The following TGM3 variants were observed in gnomAD, a reference collection of about 807,000 sequenced individuals.
TGM3 encodes transglutaminase 3, also known as protein-glutamine gamma-glutamyltransferase E.
A neutral mutation model predicts 73.8 loss-of-function variants in TGM3; 52 were observed. That is an observed-to-expected ratio of 0.70 (90% CI 0.56 to 0.89). The LOEUF (loss-of-function observed/expected upper bound fraction) is 0.89. Ranked by LOEUF, TGM3 falls within the 40% of genes least tolerant of loss-of-function variation. The probability of loss-of-function intolerance (pLI) is 0.00; values close to 1 mark genes in which losing one functional copy is unlikely to be tolerated. For synonymous variants in TGM3, 372 were observed against 354.9 expected (o/e 1.05, Z -0.54); for missense variants, 928 against 909.9 (o/e 1.02, Z -0.26).
Position 2,339,980 on chromosome 20 carries a change from A to T in TGM3, c.1927A>T (p.Lys643Ter). Reference protein sequence around the residue: ...EGSGLLLGNLKIDVPTLGPKE... With the variant: ...EGSGLLLGNL Reference sequence around the variant, plus strand: ...AAGCGGCCTGCTGTTGGGTAACCTGAAGATCGAGTGAGTCCTGGGCCTAAG... The same window carrying T: ...AAGCGGCCTGCTGTTGGGTAACCTGTAGATCGAGTGAGTCCTGGGCCTAAG... Residue 643 changes from lysine to a stop codon, truncating the protein, a stop_gained, in exon 12 of 13, where the codon AAG becomes TAG. Coordinates refer to ENST00000381458, the MANE Select transcript of TGM3 (RefSeq NM_003245.4). LOFTEE classifies it high-confidence loss of function. 1 of 1,410,352 alleles carries T rather than the reference A, an allele frequency of 7.1e-7. No individual in the cohort carries two copies. The highest frequency in any genetic ancestry group is 9.5e-7 in the Non-Finnish European group (1 of 1,053,350). 87.4% of individuals were successfully genotyped at this position (1,410,352 alleles called of 1,614,324 possible). A position where few individuals can be genotyped will look rare whatever the true frequency, so the allele number is the denominator to read the frequency against.
At chr20:2,340,083 C>T (rs2122263209) in intron 12 of TGM3, 96 bp downstream of exon 12, 24 of 1,445,718 alleles carry the variant, frequency 1.7e-5, no homozygotes, top group Non-Finnish European at 1.7e-5. Context: ...CTCCCTCTGA[C>T]CTTGGGTTCT....
intron 1 of TGM3, among the ~76,000 whole-genome samples, chr20:2,309,427 G>C (rs908189827): frequency 6.6e-6 from 1 of 152,240 alleles, no homozygotes; most frequent in Non-Finnish European, 1.5e-5. Context: ...CTATGATCTT[G>C]CATCCTGTGA....
chr20:2,300,321 A>G (rs1213529574), intron 1 of TGM3, among the ~76,000 whole-genome samples: 2 of 152,234 alleles, frequency 1.3e-5, no homozygotes, highest in Non-Finnish European at 2.9e-5. Flanking sequence ...AAAGATTCTA[A>G]TTGAATTTGC....
Position 2,328,217 on chromosome 20 carries a change from C to T in TGM3, c.1185C>T (p.Ala395=), listed in dbSNP as rs765498791. The part of the protein sequence containing the change: ...DMPFIFAEVN[A]DRITWLYDNT... ...CCTTTATCTTCGCGGAGGTTAATGC[C>T]GACCGCATCACCTGGCTGTACGACA... Residue 395 remains alanine, a synonymous_variant, in exon 9 of 13, where the codon GCC becomes GCT. Transcript: ENST00000381458. The surrounding 1 kb of genome is among the most constrained non-coding windows in gnomAD (Gnocchi z 5.2). 15 of 1,614,024 alleles carry T rather than the reference C, an allele frequency of 9.3e-6. No individual in the cohort carries two copies. Among genetic ancestry groups the T allele is most frequent in the African/African-American group, 4.0e-5 (3 of 74,910 alleles).
chr20:2,340,622 A>T lies in TGM3; in HGVS notation c.*41A>T. The stretch of plus-strand genomic sequence containing the variant: ...TCCCGTACAAACTTGGACAACACGG[A>T]GCAGGGAGAGCTCACCATGGAATGA... On this transcript the variant is annotated 3_prime_UTR_variant, in exon 13 of 13. Transcript: ENST00000381458. 3 of 1,613,044 alleles carry T rather than the reference A, an allele frequency of 1.9e-6. No individual in the cohort carries two copies. The South Asian group carries it at 3.3e-5, about 18-fold the overall frequency.
At position 2,332,720 on chromosome 20, in the gene TGM3, G is replaced by A. The variant is rs45508396; in HGVS notation, c.1642+410G>A. On this transcript the variant is annotated intron_variant, in intron 10 of 12. Coordinates refer to ENST00000381458, the MANE Select transcript of TGM3 (RefSeq NM_003245.4). The surrounding 1 kb of genome is among the most constrained non-coding windows in gnomAD (Gnocchi z 4.4). ...CTTCGGAGATAAAGTATCATAGATA[G>A]TAGTGGTAGTGCTGAGTCTTGGTCC... 1.7e-3 allele frequency among the ~76,000 whole-genome samples: 255 copies of A among 152,350 alleles called. 5 individuals carry two copies. The East Asian group carries it at 0.046, about 28-fold the overall frequency.
chr20:2,309,227 G>T (rs892570058), intron 1 of TGM3, among the ~76,000 whole-genome samples: 2 of 152,174 alleles, frequency 1.3e-5, no homozygotes, highest in African/African-American at 2.4e-5. Context: ...AATGAGAAAT[G>T]CTGAAAGCAG....
chr20:2,298,512 G>C (rs551659837), intron 1 of TGM3, among the ~76,000 whole-genome samples: 1 of 152,310 alleles, frequency 6.6e-6, no homozygotes, highest in East Asian at 1.9e-4. Context: ...CTGTCCCTCT[G>C]GGGCAGTGAG....
At chr20:2,323,134 A>C (rs1325735668) in intron 7 of TGM3, among the ~76,000 whole-genome samples, 2 of 152,002 alleles carry the variant, frequency 1.3e-5, no homozygotes, top group Non-Finnish European at 2.9e-5. Context: ...TTTAGTGGCA[A>C]TTTGTGAGAT....
rs1454070161 is a variant in TGM3 at position 2,332,745 on chromosome 20, C to T, written c.1642+435C>T. On this transcript the variant is annotated intron_variant, in intron 10 of 12. Coordinates refer to ENST00000381458, the MANE Select transcript of TGM3 (RefSeq NM_003245.4). The surrounding 1 kb of genome is among the most constrained non-coding windows in gnomAD (Gnocchi z 4.4). Reference sequence around the variant, plus strand: ...GTAGTGGTAGTGCTGAGTCTTGGTCCTAGGTTTCCTGATACTGAGTCCAGA... The same window carrying T: ...GTAGTGGTAGTGCTGAGTCTTGGTCTTAGGTTTCCTGATACTGAGTCCAGA... Among the ~76,000 whole-genome samples the T allele has an allele frequency of 6.6e-6, 1 of 152,152 alleles. No homozygotes were observed. The highest frequency in any genetic ancestry group is 2.4e-5 in the African/African-American group (1 of 41,422).
intron 9 of TGM3, among the ~76,000 whole-genome samples, chr20:2,330,216 T>C (rs2084312815): frequency 6.6e-6 from 1 of 152,184 alleles, no homozygotes; most frequent in Admixed American, 6.5e-5. Context: ...TAAGTATTGA[T>C]GCAATAGCAA....
chr20:2,315,765 A>C (rs896852041), intron 5 of TGM3, among the ~76,000 whole-genome samples: 3 of 152,140 alleles, frequency 2.0e-5, no homozygotes, highest in Non-Finnish European at 4.4e-5. Flanking sequence ...TCCCTTCCCT[A>C]TTGGAAGGTG....
Position 2,334,865 on chromosome 20 carries a change from C to T in TGM3, c.1643-251C>T, listed in dbSNP as rs548838892. Among the ~76,000 whole-genome samples the T allele has an allele frequency of 2.0e-4, 30 of 152,348 alleles. No homozygotes were observed. The highest frequency in any genetic ancestry group is 6.2e-4 in the South Asian group (3 of 4,828). On this transcript the variant is annotated intron_variant, in intron 10 of 12. Coordinates refer to ENST00000381458, the MANE Select transcript of TGM3 (RefSeq NM_003245.4). This position sits in a 1 kb window ranked among gnomAD's most constrained non-coding sequence, Gnocchi z 4.0. The stretch of plus-strand genomic sequence containing the variant: ...GGGAGGAAGCAGCGGTATCTTTAGC[C>T]CCTGTGAGCCCATCCTCCTGGGAAT...
chr20:2,336,661 A>G (rs1369039495), intron 11 of TGM3, among the ~76,000 whole-genome samples: 1 of 151,484 alleles, frequency 6.6e-6, no homozygotes, highest in Non-Finnish European at 1.5e-5. Flanking sequence ...ACTGTGCTTC[A>G]GGATGGGGGA....
chr20:2,333,726 T>G (rs924198598), intron 10 of TGM3, among the ~76,000 whole-genome samples: 3 of 151,868 alleles, frequency 2.0e-5, no homozygotes, highest in Non-Finnish European at 2.9e-5. Flanking sequence ...TCAAAAAAAA[T>G]TCACAGGATG....
At chr20:2,318,806 G>T (rs1008972091) in intron 7 of TGM3, among the ~76,000 whole-genome samples, 4 of 152,154 alleles carry the variant, frequency 2.6e-5, no homozygotes, top group African/African-American at 9.7e-5. Context: ...TATCTGAAAT[G>T]TGCTTAATGT....
chr20:2,327,825 A>T (rs1485198534), intron 8 of TGM3, among the ~76,000 whole-genome samples: 1 of 152,176 alleles, frequency 6.6e-6, no homozygotes, highest in Non-Finnish European at 1.5e-5. Context: ...GAGCACGAGA[A>T]AGCAAGACTT....
intron 3 of TGM3, 124 bp downstream of exon 3, chr20:2,310,541 G>T: frequency 1.4e-6 from 2 of 1,456,102 alleles, no homozygotes. Context: ...TGGAAAGGGC[G>T]CAGAAGCTAG....
chr20:2,338,743 G>A (rs550664530), intron 11 of TGM3, among the ~76,000 whole-genome samples: 4 of 152,272 alleles, frequency 2.6e-5, no homozygotes, highest in South Asian at 4.2e-4. Context: ...AGCAACCTCC[G>A]GTCATCCTCA....
Sources: gnomAD v4.1 joint callset for allele counts (sites outside exome capture counted in the v4.1 genomes callset) on GRCh38, gnomAD v4.1.1 for gene constraint, Gnocchi (gnomAD v3.1) non-coding constraint, MANE v1.5 for transcripts, NCBI Gene and HGNC (gene_info 2026-07-23, HGNC 2026-07-21) for gene names.